The following SORCS1 variants were observed in gnomAD, a reference collection of about 807,000 sequenced individuals.
SORCS1 encodes VPS10 domain-containing receptor SorCS1.
In SORCS1, 60 loss-of-function variants were observed where a neutral mutation model predicts 146.1. That is an observed-to-expected ratio of 0.41 (90% CI 0.33 to 0.51). The LOEUF (loss-of-function observed/expected upper bound fraction) is 0.51. SORCS1 is among the 20% of genes least tolerant of loss of function. The pLI is 0.21. For missense variants in SORCS1, 1,352 were observed against 1,487.6 expected, an observed-to-expected ratio of 0.91 and a Z score of 1.50; for synonymous variants, 637 against 584.0, an observed-to-expected ratio of 1.09 and a Z score of -1.31.
chr10:106,918,843 A>AT (rs1048567311), intron 2 of SORCS1, among the ~76,000 whole-genome samples: 92 of 151,278 alleles, frequency 6.1e-4, no homozygotes, highest in African/African-American at 2.0e-3. Flanking sequence ...AGTGTATTAT[A>AT]TTTTTTTTTC....
chr10:106,768,550 A>G (rs1306682528), intron 4 of SORCS1, among the ~76,000 whole-genome samples: 1 of 152,246 alleles, frequency 6.6e-6, no homozygotes, highest in East Asian at 1.9e-4. Flanking sequence ...GAAGATAAAT[A>G]CTTTAATATT....
intron 5 of SORCS1, among the ~76,000 whole-genome samples, chr10:106,750,941 C>T (rs890584719): frequency 6.7e-6 from 1 of 148,512 alleles, no homozygotes. Flanking sequence ...GCGCCGTAGT[C>T]CCAGCTACTA....
chr10:106,946,005 C>T (rs1409811779), intron 2 of SORCS1, among the ~76,000 whole-genome samples: 1 of 152,150 alleles, frequency 6.6e-6, no homozygotes, highest in Non-Finnish European at 1.5e-5. Context: ...AGATTCCTGC[C>T]TTGAATCTCT....
chr10:106,808,923 T>C (rs1440843415), intron 3 of SORCS1, among the ~76,000 whole-genome samples: 2 of 152,312 alleles, frequency 1.3e-5, no homozygotes, highest in East Asian at 3.9e-4. Context: ...CCCTCCACTC[T>C]AGAGGTGGCA....
chr10:106,739,552 T>C (rs560974573), intron 5 of SORCS1, among the ~76,000 whole-genome samples: 10 of 151,196 alleles, frequency 6.6e-5, no homozygotes, highest in African/African-American at 1.9e-4. Flanking sequence ...CTCATGCCTG[T>C]AATCCCAGCA....
chr10:106,926,441 G>T, intron 2 of SORCS1, among the ~76,000 whole-genome samples: 1 of 151,902 alleles, frequency 6.6e-6, no homozygotes, highest in South Asian at 2.1e-4. Flanking sequence ...GAAAAGTGGG[G>T]ATTAAAAAAA....
intron 1 of SORCS1, among the ~76,000 whole-genome samples, chr10:107,145,465 C>T (rs1968242999): frequency 6.6e-6 from 1 of 152,144 alleles, no homozygotes; most frequent in African/African-American, 2.4e-5. Context: ...CCAAATACTG[C>T]ATTTTAAGAA....
intron 18 of SORCS1, among the ~76,000 whole-genome samples, chr10:106,650,475 T>A (rs1482451151): frequency 1.3e-5 from 2 of 152,208 alleles, no homozygotes; most frequent in Non-Finnish European, 2.9e-5. Flanking sequence ...GAGTGCTTTC[T>A]ATGTTTCCTG....
intron 18 of SORCS1, among the ~76,000 whole-genome samples, chr10:106,648,726 G>C (rs929474762): frequency 5.3e-5 from 8 of 152,108 alleles, no homozygotes; most frequent in Non-Finnish European, 1.0e-4. Flanking sequence ...ATACAGAAGT[G>C]GGGGAAGGGC....
chr10:107,088,204 A>G (rs1963912486), intron 1 of SORCS1, among the ~76,000 whole-genome samples: 1 of 151,928 alleles, frequency 6.6e-6, no homozygotes, highest in Admixed American at 6.6e-5. Flanking sequence ...TATTTTTTTT[A>G]AAGGCTTGAT....
chr10:106,756,950 T>A (rs1858690233), intron 5 of SORCS1, among the ~76,000 whole-genome samples: 1 of 152,172 alleles, frequency 6.6e-6, no homozygotes, highest in Non-Finnish European at 1.5e-5. Context: ...CCCATACTTT[T>A]AGCCAGGGAG....
intron 6 of SORCS1, among the ~76,000 whole-genome samples, chr10:106,726,236 G>C (rs1413118357): frequency 9.0e-6 from 1 of 110,616 alleles, no homozygotes; most frequent in Non-Finnish European, 1.7e-5. Flanking sequence ...TGTTATGCTT[G>C]GACCCTTTAA....
chr10:106,645,276 C>G (rs1849346108), intron 18 of SORCS1, among the ~76,000 whole-genome samples: 1 of 151,552 alleles, frequency 6.6e-6, no homozygotes, highest in Non-Finnish European at 1.5e-5. Context: ...TCAGGCGATT[C>G]TCCTGCCTCA....
chr10:107,004,222 T>C (rs1050271843), intron 1 of SORCS1, among the ~76,000 whole-genome samples: 10 of 150,796 alleles, frequency 6.6e-5, no homozygotes, highest in Non-Finnish European at 1.5e-5. Flanking sequence ...ACTGGCATTG[T>C]ATGTAATAAC....
chr10:107,031,827 T>C (rs1958671839), intron 1 of SORCS1, among the ~76,000 whole-genome samples: 1 of 152,186 alleles, frequency 6.6e-6, no homozygotes, highest in African/African-American at 2.4e-5. Flanking sequence ...ATATTTGTGT[T>C]CCACACTAAA....
intron 4 of SORCS1, among the ~76,000 whole-genome samples, chr10:106,775,053 G>A (rs1006391332): frequency 3.3e-5 from 5 of 152,228 alleles, no homozygotes; most frequent in Non-Finnish European, 7.3e-5. Flanking sequence ...CAGTGACCAT[G>A]GGAGGCACTC....
chr10:107,083,471 T>C (rs1428585944), intron 1 of SORCS1, among the ~76,000 whole-genome samples: 1 of 152,216 alleles, frequency 6.6e-6, no homozygotes, highest in East Asian at 1.9e-4. Context: ...TTACTAAACA[T>C]GTTTTTAAGT....
At chr10:106,748,682 T>C (rs1052399587) in intron 5 of SORCS1, among the ~76,000 whole-genome samples, 1 of 152,216 alleles carries the variant, frequency 6.6e-6, no homozygotes, top group South Asian at 2.1e-4. Flanking sequence ...ATGATAACAT[T>C]ACATGCCACC....
chr10:106,747,843 G>C (rs1315036184), intron 5 of SORCS1, among the ~76,000 whole-genome samples: 1 of 151,480 alleles, frequency 6.6e-6, no homozygotes, highest in South Asian at 2.1e-4. Flanking sequence ...TGAGAAGATG[G>C]ATATGCTAAT....
Sources: gnomAD v4.1 joint callset for allele counts (sites outside exome capture counted in the v4.1 genomes callset) on GRCh38, gnomAD v4.1.1 for gene constraint, MANE v1.5 for transcripts, NCBI Gene and HGNC (gene_info 2026-07-23, HGNC 2026-07-21) for gene names.